PIEZO2: variants seen among roughly 807,000 people sequenced by gnomAD.
PIEZO2 encodes the protein piezo-type mechanosensitive ion channel component 2.
A neutral mutation model predicts 337.3 loss-of-function variants in PIEZO2; 172 were observed. The observed-to-expected ratio is 0.51, with a 90% confidence interval of 0.45 to 0.58. The LOEUF (loss-of-function observed/expected upper bound fraction) is 0.58. PIEZO2 is among the 20% of genes least tolerant of loss of function. PIEZO2 has a pLI of 0.00. For missense variants in PIEZO2, 3,028 were observed against 3,391.3 expected (o/e 0.89, Z 2.66); for synonymous variants, 1,251 against 1,228.5 (o/e 1.02, Z -0.38).
At chr18:10,786,877 A>C (rs1340148550) in intron 16 of PIEZO2, among the ~76,000 whole-genome samples, 159 bp downstream of exon 16, 1 of 152,364 alleles carries the variant, frequency 6.6e-6, no homozygotes, top group East Asian at 1.9e-4. Flanking sequence ...AGGGCTAAGT[A>C]AAGAGAACAC....
intron 36 of PIEZO2, chr18:10,725,091 G>C: frequency 2.7e-6 from 4 of 1,497,192 alleles, no homozygotes; most frequent in Non-Finnish European, 3.7e-6. Flanking sequence ...TCTTTCAGTC[G>C]CATTACACCT....
At position 11,132,755 on chromosome 18, in the gene PIEZO2, A is replaced by AG. The variant is rs2040376693; in HGVS notation, c.64+15769dup. On this transcript the variant is annotated intron_variant, in intron 1 of 55. Transcript: ENST00000674853. The surrounding 1 kb of genome is among the most constrained non-coding windows in gnomAD (Gnocchi z 4.7). ...ACACTTTGGGCTCCTCCTACCTTTA[A>AG]GTCAACAGGCTAAGAAGGGAGTTAC... is the stretch of plus-strand genomic sequence containing the variant. Among the ~76,000 whole-genome samples, 1 of 152,184 alleles carries AG rather than the reference A, an allele frequency of 6.6e-6. No individual in the cohort carries two copies. Among genetic ancestry groups the AG allele is most frequent in the Non-Finnish European group, 1.5e-5 (1 of 68,032 alleles).
chr18:10,705,423 G>A lies in PIEZO2; in HGVS notation c.5912C>T (p.Pro1971Leu), dbSNP rs1277534753. 22 of 1,537,090 alleles carry A rather than the reference G, an allele frequency of 1.4e-5. No individual in the cohort carries two copies. In the East Asian group the frequency reaches 1.5e-4, roughly 10 times the overall value. The change falls in exon 41 of 56, where the codon CCG becomes CTG. Residue 1971 changes from proline to leucine, a missense_variant. By Grantham distance (98) the Pro-to-Leu change is moderately conservative. This residue lies in a region of PIEZO2 where 1,925 missense variants were observed against 2,051.9 expected (regional missense o/e 0.94). Coordinates refer to ENST00000674853, the MANE Select transcript of PIEZO2 (RefSeq NM_001378183.1). ...CAGCTTGTCGGTGCGGCTGTCGTCCGGGCTGACTGCCATACGGTTCTTGCC... is the reference window on the plus strand; with the variant it reads ...CAGCTTGTCGGTGCGGCTGTCGTCCAGGCTGACTGCCATACGGTTCTTGCC... ...SAGKNRMAVS[P>L]DDSRTDKLGS...
intron 5 of PIEZO2, 83 bp from the exon 6 acceptor site, chr18:10,857,294 G>T: frequency 1.7e-6 from 2 of 1,161,252 alleles, no homozygotes; most frequent in Non-Finnish European, 2.5e-6. Flanking sequence ...TAATTCATGG[G>T]TCAGTCAACG....
Position 11,015,100 on chromosome 18 carries a change from G to C in PIEZO2, c.161-35440C>G, listed in dbSNP as rs1335690546. On this transcript the variant is annotated intron_variant, in intron 2 of 55. Transcript: ENST00000674853. Reference sequence around the variant, plus strand: ...ACCCTGGGCGGGACAGCGATCCGGGGCCCCCCTCATTCCTCAGCGGGGAAC... The same window carrying C: ...ACCCTGGGCGGGACAGCGATCCGGGCCCCCCCTCATTCCTCAGCGGGGAAC... Among the ~76,000 whole-genome samples the C allele has an allele frequency of 2.3e-5, 3 of 133,028 alleles. 1 individual carries two copies. The highest frequency in any genetic ancestry group is 2.2e-4 in the Admixed American group (3 of 13,648). The allele number at this position is 133,028 out of a possible 152,430, so 87.3% of individuals were successfully genotyped here.
chr18:10,860,867 G>T (rs2041853495), intron 5 of PIEZO2, among the ~76,000 whole-genome samples: 1 of 152,174 alleles, frequency 6.6e-6, no homozygotes, highest in African/African-American at 2.4e-5. Flanking sequence ...GGGCCTTTGT[G>T]ATTTTTATAA....
At chr18:10,882,842 C>CTTTTTTTT in intron 4 of PIEZO2, among the ~76,000 whole-genome samples, 1 of 128,200 alleles carries the variant, frequency 7.8e-6, no homozygotes, top group African/African-American at 2.9e-5. Context: ...TTCTTTTTTT[C>CTTTTTTTT]TTTTTTTTTT....
At chr18:10,703,979 C>T (rs1179395566) in intron 42 of PIEZO2, among the ~76,000 whole-genome samples, 2 of 152,186 alleles carry the variant, frequency 1.3e-5, no homozygotes, top group Admixed American at 6.5e-5. Flanking sequence ...ACTGAACCCC[C>T]GGTGGCGCCA....
Position 10,819,737 on chromosome 18 carries a change from G to A in PIEZO2, c.918-12463C>T, listed in dbSNP as rs551335219. The stretch of plus-strand genomic sequence containing the variant: ...TAATATCTTCACAAAACTTCATACA[G>A]AGATAGAAAAAAGGTGAATCTCATT... On this transcript the variant is annotated intron_variant, in intron 7 of 55. Coordinates refer to ENST00000674853, the MANE Select transcript of PIEZO2 (RefSeq NM_001378183.1). This position sits in a 1 kb window ranked among gnomAD's most constrained non-coding sequence, Gnocchi z 4.3. 1.3e-5 allele frequency among the ~76,000 whole-genome samples: 2 copies of A among 152,258 alleles called. No individual in the cohort carries two copies. The highest frequency in any genetic ancestry group is 2.1e-4 in the South Asian group (1 of 4,824).
In PIEZO2 at chr18:11,002,206, A is replaced by G. The variant is rs1287467825; in HGVS notation, c.161-22546T>C. Among the ~76,000 whole-genome samples the G allele has an allele frequency of 6.6e-6, 1 of 152,212 alleles. No individual in the cohort carries two copies. Among genetic ancestry groups the G allele is most frequent in the Non-Finnish European group, 1.5e-5 (1 of 68,042 alleles). ...AACTTTCATGCGCCACAAATAATTA[A>G]TATTTTTCTCTTGATTTTTTCAACC... On this transcript the variant is annotated intron_variant, in intron 2 of 55. Transcript: ENST00000674853. The surrounding 1 kb of genome is among the most constrained non-coding windows in gnomAD (Gnocchi z 4.3).
In PIEZO2 at chr18:11,077,381, A is replaced by G. The variant is rs1456827911; in HGVS notation, c.65-11159T>C. On this transcript the variant is annotated intron_variant, in intron 1 of 55. Transcript: ENST00000674853. This position sits in a 1 kb window ranked among gnomAD's most constrained non-coding sequence, Gnocchi z 4.8. Reference sequence around the variant, plus strand: ...GTATTTGCTGATTTAGAAATCACTAATCAGGCCAGGTGTGGTGGCTCATGC... The same window carrying G: ...GTATTTGCTGATTTAGAAATCACTAGTCAGGCCAGGTGTGGTGGCTCATGC... Among the ~76,000 whole-genome samples the G allele has an allele frequency of 1.3e-5, 2 of 152,158 alleles. No homozygotes were observed. Among genetic ancestry groups the G allele is most frequent in the African/African-American group, 4.8e-5 (2 of 41,438 alleles).
At chr18:10,871,459 A>G in intron 4 of PIEZO2, 44 bp from the exon 5 acceptor site, 1 of 1,500,346 alleles carries the variant, frequency 6.7e-7, no homozygotes, top group Non-Finnish European at 8.9e-7. Context: ...TTTAGTTCTT[A>G]TATTTCTACG....
intron 23 of PIEZO2, among the ~76,000 whole-genome samples, chr18:10,761,818 G>A (rs1042861968): frequency 3.3e-5 from 5 of 152,202 alleles, no homozygotes; most frequent in Admixed American, 3.3e-4. Flanking sequence ...CAGGTGCTGA[G>A]TGTAGAGGCT....
At chr18:10,692,979 T>G (rs1004949878) in intron 47 of PIEZO2, among the ~76,000 whole-genome samples, 1 of 152,206 alleles carries the variant, frequency 6.6e-6, no homozygotes, top group Admixed American at 6.5e-5. Context: ...CCCAAATTCA[T>G]GAGAAATTCA....
chr18:10,717,245 T>C (rs561594103), intron 37 of PIEZO2, among the ~76,000 whole-genome samples: 2 of 152,348 alleles, frequency 1.3e-5, no homozygotes, highest in South Asian at 2.1e-4. Context: ...ATCTGAAGTG[T>C]TGGCAGCTGT....
At chr18:10,688,496 C>T (rs2034654280) in intron 49 of PIEZO2, among the ~76,000 whole-genome samples, 1 of 152,142 alleles carries the variant, frequency 6.6e-6, no homozygotes, top group Non-Finnish European at 1.5e-5. Context: ...AGACTTAGGG[C>T]AGAGGTTTCA....
Position 10,746,107 on chromosome 18 carries a change from T to C in PIEZO2, c.4425-1876A>G, listed in dbSNP as rs1300859827. Reference sequence around the variant, plus strand: ...CTGCTATCTCTACCCTGGATTATCATAGCAGCTGCTTAGCTGTCTCTCTGC... The same window carrying C: ...CTGCTATCTCTACCCTGGATTATCACAGCAGCTGCTTAGCTGTCTCTCTGC... On this transcript the variant is annotated intron_variant, in intron 30 of 55. Coordinates refer to ENST00000674853, the MANE Select transcript of PIEZO2 (RefSeq NM_001378183.1). The surrounding 1 kb of genome is among the most constrained non-coding windows in gnomAD (Gnocchi z 4.2). Among the ~76,000 whole-genome samples the C allele has an allele frequency of 6.6e-6, 1 of 152,210 alleles. No homozygotes were observed. Among genetic ancestry groups the C allele is most frequent in the East Asian group, 1.9e-4 (1 of 5,192 alleles).
chr18:10,726,485 A>G lies in PIEZO2; in HGVS notation c.5029+4922T>C. On this transcript the variant is annotated intron_variant, in intron 36 of 55. Transcript: ENST00000674853. The surrounding 1 kb of genome is among the most constrained non-coding windows in gnomAD (Gnocchi z 5.9). ...CGAGGAGGGCCTGGCCACCCTGCAC[A>G]GCGTGCTGCTCCGCAAGCAGCCGTT... 6.6e-7 allele frequency: 1 copy of G among 1,517,152 alleles called. No individual in the cohort carries two copies. Among genetic ancestry groups the G allele is most frequent in the Non-Finnish European group, 8.8e-7 (1 of 1,138,376 alleles). 94.0% of individuals were successfully genotyped at this position (1,517,152 alleles called of 1,614,324 possible). A position where few individuals can be genotyped will look rare whatever the true frequency, so the allele number is the denominator to read the frequency against.
rs1410813026 is a variant in PIEZO2 at position 10,677,323 on chromosome 18, T to C, written c.8081+424A>G. On this transcript the variant is annotated intron_variant, in intron 53 of 55. Transcript: ENST00000674853. The surrounding 1 kb of genome is among the most constrained non-coding windows in gnomAD (Gnocchi z 4.1). ...ACCTCTGCCTCAAGAATTCAAGTGATTCTCATGCCTCAGGCTCCCAAGTAG... is the reference window on the plus strand; with the variant it reads ...ACCTCTGCCTCAAGAATTCAAGTGACTCTCATGCCTCAGGCTCCCAAGTAG... Among the ~76,000 whole-genome samples, 1 of 152,196 alleles carries C rather than the reference T, an allele frequency of 6.6e-6. No individual in the cohort carries two copies. Among genetic ancestry groups the C allele is most frequent in the Admixed American group, 6.5e-5 (1 of 15,272 alleles).
Sources: allele counts gnomAD v4.1 joint callset (sites outside exome capture counted in the v4.1 genomes callset), GRCh38; gene constraint gnomAD v4.1.1; regional missense constraint gnomAD v4.1.1; non-coding constraint Gnocchi (gnomAD v3.1); transcripts MANE v1.5; gene names NCBI Gene and HGNC (gene_info 2026-07-23, HGNC 2026-07-21).